The following CADM2 variants were observed in gnomAD, a reference collection of about 807,000 sequenced individuals.
CADM2 encodes the protein immunoglobulin superfamily member 4D.
In CADM2, 12 loss-of-function variants were observed where a neutral mutation model predicts 49.8. The observed-to-expected ratio is 0.24, with a 90% confidence interval of 0.15 to 0.39. CADM2 has a LOEUF of 0.39. CADM2 is among the 10% of genes least tolerant of loss of function. The pLI is 1.00. For missense variants in CADM2, 378 were observed against 492.3 expected, an observed-to-expected ratio of 0.77 and a Z score of 2.20; for synonymous variants, 214 against 175.4, an observed-to-expected ratio of 1.22 and a Z score of -1.74.
At chr3:85,931,956 GATTA>G (rs530793196) in intron 6 of CADM2, among the ~76,000 whole-genome samples, 292 of 151,086 alleles carry the variant, frequency 1.9e-3, no homozygotes, top group Middle Eastern at 0.014. Context: ...TAAGAGAAAA[GATTA>G]ATTATGAAAG....
intron 7 of CADM2, among the ~76,000 whole-genome samples, chr3:85,937,256 T>C (rs1721282088): frequency 6.6e-6 from 1 of 151,926 alleles, no homozygotes; most frequent in African/African-American, 2.4e-5. Flanking sequence ...CTTGGATGTG[T>C]AATAATCCTC....
chr3:85,858,189 T>G (rs372353058), intron 3 of CADM2, among the ~76,000 whole-genome samples: 1 of 152,222 alleles, frequency 6.6e-6, no homozygotes, highest in East Asian at 1.9e-4. Flanking sequence ...TTCTGATAAG[T>G]TGTGATAGCA....
intron 5 of CADM2, among the ~76,000 whole-genome samples, chr3:85,904,918 G>A (rs928742210): frequency 6.6e-6 from 1 of 151,852 alleles, no homozygotes; most frequent in Non-Finnish European, 1.5e-5. Flanking sequence ...TGCCTCTATA[G>A]GAGATGAAAC....
At chr3:85,897,299 G>C (rs1324334462) in intron 5 of CADM2, among the ~76,000 whole-genome samples, 1 of 106,094 alleles carries the variant, frequency 9.4e-6, no homozygotes, top group Non-Finnish European at 1.7e-5. Context: ...GTCTCGCTCT[G>C]TCGCCCAGGC....
chr3:85,896,708 T>G (rs778154517), intron 5 of CADM2, among the ~76,000 whole-genome samples: 2 of 152,170 alleles, frequency 1.3e-5, no homozygotes, highest in Non-Finnish European at 2.9e-5. Flanking sequence ...CTTGTGTGAG[T>G]AGGTTCTTGC....
chr3:85,773,785 C>A (rs1372366822), intron 2 of CADM2, among the ~76,000 whole-genome samples: 4 of 151,924 alleles, frequency 2.6e-5, no homozygotes, highest in African/African-American at 9.6e-5. Flanking sequence ...ATTCCTGATC[C>A]TCAGTATTAA....
intron 1 of CADM2, among the ~76,000 whole-genome samples, chr3:85,303,454 C>A (rs758312084): frequency 1.3e-5 from 2 of 151,726 alleles, no homozygotes; most frequent in African/African-American, 4.8e-5. Context: ...CCTGGGGACA[C>A]GGGTGTTATA....
chr3:85,405,318 C>A (rs537954647), intron 1 of CADM2, among the ~76,000 whole-genome samples: 2 of 152,102 alleles, frequency 1.3e-5, no homozygotes, highest in African/African-American at 4.8e-5. Context: ...TGAGTCATTA[C>A]CCTGTTTCTA....
At chr3:85,595,607 T>C (rs1180992031) in intron 1 of CADM2, among the ~76,000 whole-genome samples, 2 of 152,048 alleles carry the variant, frequency 1.3e-5, no homozygotes, top group Non-Finnish European at 2.9e-5. Context: ...GGAATTGTCC[T>C]GTTTAAAACC....
intron 1 of CADM2, among the ~76,000 whole-genome samples, chr3:85,501,566 G>A (rs897600919): frequency 6.6e-6 from 1 of 151,982 alleles, no homozygotes; most frequent in Non-Finnish European, 1.5e-5. Context: ...TTACCAGTTA[G>A]CTTGAAAATA....
intron 1 of CADM2, among the ~76,000 whole-genome samples, chr3:85,341,591 G>T (rs1224260970): frequency 6.6e-6 from 1 of 151,834 alleles, no homozygotes; most frequent in Non-Finnish European, 1.5e-5. Context: ...ACCATGTCTT[G>T]CATATGTTTA....
At chr3:85,383,503 C>T (rs1426050796) in intron 1 of CADM2, among the ~76,000 whole-genome samples, 5 of 109,230 alleles carry the variant, frequency 4.6e-5, no homozygotes, top group East Asian at 3.0e-4. Flanking sequence ...TACATAAAAC[C>T]ATATATATAT....
chr3:85,493,534 AG>A (rs1368063033), intron 1 of CADM2, among the ~76,000 whole-genome samples: 2 of 152,210 alleles, frequency 1.3e-5, no homozygotes, highest in African/African-American at 4.8e-5. Context: ...CAGTGAAAAA[AG>A]CACAGTGGTT....
intron 1 of CADM2, among the ~76,000 whole-genome samples, chr3:85,332,696 A>G (rs1298524453): frequency 6.6e-6 from 1 of 151,962 alleles, no homozygotes; most frequent in African/African-American, 2.4e-5. Flanking sequence ...GAGTCCTTCT[A>G]AGCTAAATTC....
At chr3:85,008,203 C>A (rs528115562) in intron 1 of CADM2, among the ~76,000 whole-genome samples, 5 of 152,080 alleles carry the variant, frequency 3.3e-5, no homozygotes, top group Non-Finnish European at 7.4e-5. Context: ...ACCTCGTAAT[C>A]TATTTATAGC....
chr3:84,991,056 A>T (rs2032857544), intron 1 of CADM2, among the ~76,000 whole-genome samples: 1 of 152,122 alleles, frequency 6.6e-6, no homozygotes. Flanking sequence ...AATGAGCCAA[A>T]TCAACTGCTC....
chr3:85,569,129 C>G (rs995617730), intron 1 of CADM2, among the ~76,000 whole-genome samples: 2 of 152,114 alleles, frequency 1.3e-5, no homozygotes, highest in Non-Finnish European at 2.9e-5. Flanking sequence ...TATAGGCACA[C>G]CTACCTCCCC....
At chr3:85,223,458 G>T (rs1160885380) in intron 1 of CADM2, among the ~76,000 whole-genome samples, 1 of 152,080 alleles carries the variant, frequency 6.6e-6, no homozygotes, top group African/African-American at 2.4e-5. Flanking sequence ...TAACTAACCT[G>T]TGTTTGCCTA....
chr3:86,063,892 A>G (rs990373607), intron 8 of CADM2, among the ~76,000 whole-genome samples: 28 of 151,984 alleles, frequency 1.8e-4, no homozygotes, highest in African/African-American at 6.8e-4. Context: ...CAGGAAGTAC[A>G]CTCAATCTGA....
Sources: allele counts gnomAD v4.1 joint callset (sites outside exome capture counted in the v4.1 genomes callset), GRCh38; gene constraint gnomAD v4.1.1; transcripts MANE v1.5; gene names NCBI Gene and HGNC (gene_info 2026-07-23, HGNC 2026-07-21).